Variants in TMEM225 observed in about 807,000 individuals in gnomAD.
TMEM225 encodes PMP22 claudin domain-containing protein.
Under a neutral mutation model 17.6 loss-of-function variants are expected in TMEM225, and 10 were observed. The ratio of observed to expected loss-of-function variants is 0.57; its 90% CI spans 0.35 to 0.96. The LOEUF is 0.96. Among genes scored for constraint, TMEM225 ranks in the 40% least tolerant of loss-of-function variants. TMEM225 has a pLI of 0.02. For missense variants in TMEM225, 245 were observed against 271.5 expected (o/e 0.90, Z 0.69); for synonymous variants, 101 against 94.5 (o/e 1.07, Z -0.40).
chr11:123,884,455 C>A, intron 2 of TMEM225, 35 bp downstream of exon 2: 1 of 1,587,498 alleles, frequency 6.3e-7, no homozygotes, highest in South Asian at 1.2e-5. Context: ...TCAAAGTACA[C>A]CTACAAGCTT....
rs145210692 is a variant in TMEM225 at position 123,885,387 on chromosome 11, G to A, written c.39C>T (p.Asn13=). The part of the protein sequence containing the change: ...HVSNRSIQGM[N]ILFSSWAVVL... Reference sequence around the variant, plus strand: ...CTACGGCCCAGGAGGAGAAAAGTATGTTCATACCCTGGATACTTCTATTTG... The same window carrying A: ...CTACGGCCCAGGAGGAGAAAAGTATATTCATACCCTGGATACTTCTATTTG... Residue 13 remains asparagine, a synonymous_variant, in exon 1 of 4, where the codon AAC becomes AAT. Transcript: ENST00000375026. 16 of 1,613,300 alleles carry A rather than the reference G, an allele frequency of 9.9e-6. No homozygotes were observed. The highest frequency in any genetic ancestry group is 2.2e-5 in the South Asian group (2 of 91,012).
At chr11:123,884,026 G>C in intron 3 of TMEM225, 49 bp downstream of exon 3, 1 of 1,538,362 alleles carries the variant, frequency 6.5e-7, no homozygotes, top group Non-Finnish European at 8.7e-7. Flanking sequence ...TCCCTCTGTC[G>C]GGGATGGATT....
chr11:123,883,626 G>C (rs1862995259), intron 3 of TMEM225, among the ~76,000 whole-genome samples: 1 of 152,086 alleles, frequency 6.6e-6, no homozygotes, highest in South Asian at 2.1e-4. Flanking sequence ...AAATTTTAAA[G>C]ACTTCTTAGG....
chr11:123,884,026 G>A (rs780258853), intron 3 of TMEM225, 49 bp downstream of exon 3: 32 of 1,538,242 alleles, frequency 2.1e-5, no homozygotes, highest in East Asian at 1.2e-4. Context: ...TCCCTCTGTC[G>A]GGGATGGATT....
chr11:123,884,021 C>T, intron 3 of TMEM225, 54 bp downstream of exon 3: 2 of 1,517,738 alleles, frequency 1.3e-6, no homozygotes, highest in Non-Finnish European at 1.8e-6. Flanking sequence ...ACCCTTCCCT[C>T]TGTCGGGGAT....
Position 123,885,498 on chromosome 11 carries a change from A to T in TMEM225, c.-73T>A, listed in dbSNP as rs1018328002. The T allele has an allele frequency of 1.2e-5, 17 of 1,434,206 alleles. No homozygotes were observed. The African/African-American group carries it at 1.7e-4, about 14-fold the overall frequency. 88.8% of individuals were successfully genotyped at this position (1,434,206 alleles called of 1,614,324 possible). On this transcript the variant is annotated 5_prime_UTR_variant, in exon 1 of 4. In the 5' UTR this introduces an upstream ATG that the reference lacks. Coordinates refer to ENST00000375026, the MANE Select transcript of TMEM225 (RefSeq NM_001013743.3). ...CTCTTCCTTGATTTGATTAGTTACA[A>T]GAAGGGTGATATCTGAACTTTCAGT...
intron 3 of TMEM225, 126 bp downstream of exon 3, chr11:123,883,949 A>T: frequency 1.0e-6 from 1 of 1,001,168 alleles, no homozygotes; most frequent in Non-Finnish European, 1.4e-6. Context: ...GAATGAATCC[A>T]GGTGAGCTGC....
rs550617490 is a variant in TMEM225 at position 123,884,155 on chromosome 11, T to G, written c.383A>C (p.Gln128Pro). Residue 128 changes from glutamine (Q) to proline (P), a missense_variant, in exon 3 of 4, where the codon CAA becomes CCA. Physicochemically the swap from Gln to Pro is moderately conservative, Grantham distance 76 (BLOSUM62 -1). Coordinates refer to ENST00000375026, the MANE Select transcript of TMEM225 (RefSeq NM_001013743.3). ...CCTATAACTAGAGAAGTGCATGGAT[T>G]GACCTTGCTTCAGCTTATTGTGATA... is the stretch of plus-strand genomic sequence containing the variant. ...ILYHNKLKQG[Q>P]SMHFSSYRIT... 2 of 1,610,706 alleles carry G rather than the reference T, an allele frequency of 1.2e-6. No individual in the cohort carries two copies. Among genetic ancestry groups the G allele is most frequent in the East Asian group, 4.5e-5 (2 of 44,732 alleles).
intron 3 of TMEM225, 45 bp from the exon 4 acceptor site, chr11:123,883,397 G>A (rs2137476150): frequency 7.0e-7 from 1 of 1,436,638 alleles, no homozygotes; most frequent in African/African-American, 1.4e-5. Flanking sequence ...GGACAATGGA[G>A]AGTCAGAAAC....
chr11:123,884,717 G>T (rs1352871805), intron 1 of TMEM225, 81 bp from the exon 2 acceptor site: 2 of 1,361,368 alleles, frequency 1.5e-6, no homozygotes, highest in Non-Finnish European at 2.0e-6. Context: ...AAGTCTCTAG[G>T]TGAAAATTGG....
chr11:123,885,157 A>T, intron 1 of TMEM225, 88 bp downstream of exon 1: 1 of 1,191,706 alleles, frequency 8.4e-7, no homozygotes, highest in Non-Finnish European at 1.2e-6. Flanking sequence ...TAATGGGTAC[A>T]CTGGTGAGAT....
rs1863031281 is a variant in TMEM225 at position 123,885,496 on chromosome 11, C to T, written c.-71G>A. ...ATCTCTTCCTTGATTTGATTAGTTACAAGAAGGGTGATATCTGAACTTTCA... is the reference window on the plus strand; with the variant it reads ...ATCTCTTCCTTGATTTGATTAGTTATAAGAAGGGTGATATCTGAACTTTCA... On this transcript the variant is annotated 5_prime_UTR_variant, in exon 1 of 4. Transcript: ENST00000375026. 2 of 1,444,936 alleles carry T rather than the reference C, an allele frequency of 1.4e-6. No individual in the cohort carries two copies. Among genetic ancestry groups the T allele is most frequent in the African/African-American group, 2.8e-5 (2 of 70,742 alleles). The allele number at this position is 1,444,936 out of a possible 1,614,324, so 89.5% of individuals were successfully genotyped here. A position where few individuals can be genotyped will look rare whatever the true frequency, so the allele number is the denominator to read the frequency against.
In TMEM225 at chr11:123,883,107, G is replaced by T; in HGVS notation, c.*31C>A. ...CCCACAAAGCTTTTTCCATAAAGAT[G>T]AGCATATACTGCAAGAAATAGATTG... On this transcript the variant is annotated 3_prime_UTR_variant, in exon 4 of 4. Transcript: ENST00000375026. The T allele has an allele frequency of 1.9e-6, 3 of 1,572,600 alleles. No individual in the cohort carries two copies. Among genetic ancestry groups the T allele is most frequent in the Non-Finnish European group, 2.6e-6 (3 of 1,143,316 alleles).
rs1404875911 is a variant in TMEM225 at position 123,885,445 on chromosome 11, C to G, written c.-20G>C. 3 of 1,601,244 alleles carry G rather than the reference C, an allele frequency of 1.9e-6. No individual in the cohort carries two copies. In the African/African-American group the frequency reaches 4.0e-5, roughly 21 times the overall value. On this transcript the variant is annotated 5_prime_UTR_variant, in exon 1 of 4. Transcript: ENST00000375026. Reference sequence around the variant, plus strand: ...CACCATTGTGAGTGAAAATTTCTAGCTGGAACCACCACCACTATTTTGTAG... The same window carrying G: ...CACCATTGTGAGTGAAAATTTCTAGGTGGAACCACCACCACTATTTTGTAG...
At position 123,884,492 on chromosome 11, in the gene TMEM225, G is replaced by A. The variant is rs1863012298; in HGVS notation, c.326C>T (p.Ser109Leu). Residue 109 changes from serine to leucine, a missense_variant and splice_region_variant, in exon 2 of 4, where the codon TCA (serine) becomes TTA (leucine). Coordinates refer to ENST00000375026, the MANE Select transcript of TMEM225 (RefSeq NM_001013743.3). ...TGTTAGGGGAGCCAGGAAGTTACCTGAGAAGAAACTGAGGATGGTAGTGAA... is the reference window on the plus strand; with the variant it reads ...TGTTAGGGGAGCCAGGAAGTTACCTAAGAAGAAACTGAGGATGGTAGTGAA... ...QLFTTILSFF[S>L]GISLLWALIL... is the part of the protein sequence containing the mutation. 1 of 1,609,200 alleles carries A rather than the reference G, an allele frequency of 6.2e-7. No homozygotes were observed.
Position 123,884,223 on chromosome 11 carries a change from A to C in TMEM225, c.329-14T>G, listed in dbSNP as rs758133983. 11 of 124,060 alleles carry C rather than the reference A, an allele frequency of 8.9e-5. No homozygotes were observed. Among genetic ancestry groups the C allele is most frequent in the South Asian group, 6.2e-4 (8 of 12,922 alleles). The allele number at this position is 124,060 out of a possible 1,614,324, so 7.7% of individuals were successfully genotyped here. A position where few individuals can be genotyped will look rare whatever the true frequency, so the allele number is the denominator to read the frequency against. ...GCAGAGAGATACCTGATGTCCAGAC[A>C]AAAAAAAAAAAAAAAAAAGAAAAAG... On this transcript the variant is annotated splice_polypyrimidine_tract_variant and intron_variant, in intron 2 of 3. Coordinates refer to ENST00000375026, the MANE Select transcript of TMEM225 (RefSeq NM_001013743.3).
rs116057647 is a variant in TMEM225, at chr11:123,884,096, C to T, written c.442G>A (p.Val148Ile). 225 of 1,609,956 alleles carry T rather than the reference C, an allele frequency of 1.4e-4. 1 individual carries two copies. The African/African-American group carries it at 2.3e-3, about 17-fold the overall frequency. The change falls in exon 3 of 4, where the codon GTT becomes ATT. Residue 148 changes from valine (V) to isoleucine (I), a missense_variant. Coordinates refer to ENST00000375026, the MANE Select transcript of TMEM225 (RefSeq NM_001013743.3). Reference sequence around the variant, plus strand: ...TCACCACAGACAGACAAGAAGAAAACATTTAAGTAAGCAGTATACATGATC... The same window carrying T: ...TCACCACAGACAGACAAGAAGAAAATATTTAAGTAAGCAGTATACATGATC... ...TWIMYTAYLNVFFLSVCGVLS... is the reference protein window; with the variant it reads ...TWIMYTAYLNIFFLSVCGVLS...
Position 123,883,197 on chromosome 11 carries a change from G to T in TMEM225, c.619C>A (p.His207Asn). The change falls in exon 4 of 4, where the codon CAC (histidine) becomes AAC (asparagine). Residue 207 changes from histidine to asparagine, a missense_variant. Transcript: ENST00000375026. ...TTTTTGTTTAGGGAATTCACAGTGT[G>T]TGCACGGACAATGCTACGAGGCATT... ...TAMPRSIVRAHTVNSLNKKVQ... is the reference protein window; with the variant it reads ...TAMPRSIVRANTVNSLNKKVQ... 6.2e-7 allele frequency: 1 copy of T among 1,613,528 alleles called. No individual in the cohort carries two copies. Among genetic ancestry groups the T allele is most frequent in the Non-Finnish European group, 8.5e-7 (1 of 1,179,608 alleles).
chr11:123,884,222 C>CAAAGAAAAAA lies in TMEM225; in HGVS notation c.329-14_329-13insTTTTTTCTTT. On this transcript the variant is annotated splice_polypyrimidine_tract_variant and intron_variant, in intron 2 of 3. Transcript: ENST00000375026. ...AGCAGAGAGATACCTGATGTCCAGA[C>CAAAGAAAAAA]AAAAAAAAAAAAAAAAAAAGAAAAA... 8.1e-7 allele frequency: 1 copy of CAAAGAAAAAA among 1,230,852 alleles called. No individual in the cohort carries two copies. The highest frequency in any genetic ancestry group is 2.0e-5 in the South Asian group (1 of 49,224). The allele number at this position is 1,230,852 out of a possible 1,614,324, so 76.2% of individuals were successfully genotyped here.
Sources: allele counts gnomAD v4.1 joint callset (sites outside exome capture counted in the v4.1 genomes callset), GRCh38; gene constraint gnomAD v4.1.1; transcripts MANE v1.5; gene names NCBI Gene and HGNC (gene_info 2026-07-23, HGNC 2026-07-21).